The following SEPTIN9 variants were observed in gnomAD, a reference collection of about 807,000 sequenced individuals.
SEPTIN9 encodes septin 9, also known as septin-9.
A neutral mutation model predicts 56.6 loss-of-function variants in SEPTIN9; 13 were observed. The observed-to-expected ratio is 0.23, with a 90% confidence interval of 0.15 to 0.37. The LOEUF (loss-of-function observed/expected upper bound fraction) is 0.37, where lower values mean the gene tolerates loss of function less well. Among genes scored for constraint, SEPTIN9 ranks in the 10% least tolerant of loss-of-function variants. SEPTIN9 has a pLI of 1.00. For synonymous variants in SEPTIN9, 332 were observed against 334.1 expected (o/e 0.99, Z 0.07); for missense variants, 650 against 823.1 (o/e 0.79, Z 2.57).
At position 77,401,980 on chromosome 17, in the gene SEPTIN9, C is replaced by T. The variant is rs1043898155; in HGVS notation, c.77-79C>T. The T allele has an allele frequency of 2.9e-5, 43 of 1,469,348 alleles. No individual in the cohort carries two copies. The African/African-American group carries it at 4.9e-4, about 17-fold the overall frequency. 91.0% of individuals were successfully genotyped at this position (1,469,348 alleles called of 1,614,324 possible). On this transcript the variant is annotated intron_variant, in intron 2 of 11. Coordinates refer to ENST00000427177, the MANE Select transcript of SEPTIN9 (RefSeq NM_001113491.2). ...CCGCCGCATCGCCTGCCTTCCTCTG[C>T]TGCTCCTTAGCAGGAAACATGCCGG...
intron 3 of SEPTIN9, among the ~76,000 whole-genome samples, chr17:77,419,092 CT>C (rs2036604338): frequency 6.6e-6 from 1 of 152,232 alleles, no homozygotes; most frequent in Non-Finnish European, 1.5e-5. Context: ...GTTCCTGAAA[CT>C]TTCCTGCCTC....
chr17:77,373,348 T>C, intron 2 of SEPTIN9: 1 of 1,183,764 alleles, frequency 8.4e-7, no homozygotes, highest in Non-Finnish European at 1.0e-6. Flanking sequence ...TTCATTCAGC[T>C]GAGCCAGGGG....
chr17:77,381,951 G>A (rs1426088798), intron 2 of SEPTIN9, among the ~76,000 whole-genome samples: 3 of 152,210 alleles, frequency 2.0e-5, no homozygotes, highest in African/African-American at 7.2e-5. Flanking sequence ...CCTAACCAGA[G>A]ACCGGGGTAG....
Position 77,425,147 on chromosome 17 carries a change from C to A in SEPTIN9, c.721+22444C>A, listed in dbSNP as rs1330044189. 6.6e-6 allele frequency among the ~76,000 whole-genome samples: 1 copy of A among 152,224 alleles called. No homozygotes were observed. The highest frequency in any genetic ancestry group is 6.5e-5 in the Admixed American group (1 of 15,286). On this transcript the variant is annotated intron_variant, in intron 3 of 11. Coordinates refer to ENST00000427177, the MANE Select transcript of SEPTIN9 (RefSeq NM_001113491.2). The surrounding 1 kb of genome is among the most constrained non-coding windows in gnomAD (Gnocchi z 4.2). ...CTGGCGCCCTGCCCTCCCCCAGAGC[C>A]CCACTGACCTGCACCATGTGACCCG...
At position 77,319,405 on chromosome 17, in the gene SEPTIN9, G is replaced by C. The variant is rs142598684; in HGVS notation, c.76+12208G>C. 1.9e-3 allele frequency: 651 copies of C among 350,798 alleles called. 6 individuals are homozygous for C. The highest frequency in any genetic ancestry group is 0.013 in the African/African-American group (591 of 45,672). The allele number at this position is 350,798 out of a possible 1,614,324, so 21.7% of individuals were successfully genotyped here. A position where few individuals can be genotyped will look rare whatever the true frequency, so the allele number is the denominator to read the frequency against. On this transcript the variant is annotated intron_variant, in intron 2 of 11. Coordinates refer to ENST00000427177, the MANE Select transcript of SEPTIN9 (RefSeq NM_001113491.2). The surrounding 1 kb of genome is among the most constrained non-coding windows in gnomAD (Gnocchi z 5.3). ...CCCGAGTTCCCGGAGAGGAAGACTCGCTCCCTCCCAGGGGACGGCTAGAGA... is the reference window on the plus strand; with the variant it reads ...CCCGAGTTCCCGGAGAGGAAGACTCCCTCCCTCCCAGGGGACGGCTAGAGA...
intron 5 of SEPTIN9, 54 bp from the exon 6 acceptor site, chr17:77,488,186 G>A (rs370428874): frequency 1.7e-4 from 260 of 1,553,540 alleles, no homozygotes; most frequent in Admixed American, 7.5e-4. Context: ...GGTGTGGGGT[G>A]TCTGTGAGGG....
At position 77,319,404 on chromosome 17, in the gene SEPTIN9, C is replaced by T. The variant is rs2032820038; in HGVS notation, c.76+12207C>T. ...CCCCGAGTTCCCGGAGAGGAAGACT[C>T]GCTCCCTCCCAGGGGACGGCTAGAG... On this transcript the variant is annotated intron_variant, in intron 2 of 11. Transcript: ENST00000427177. This position sits in a 1 kb window ranked among gnomAD's most constrained non-coding sequence, Gnocchi z 5.3. The T allele has an allele frequency of 8.7e-6, 3 of 345,974 alleles. No homozygotes were observed. Among genetic ancestry groups the T allele is most frequent in the African/African-American group, 2.2e-5 (1 of 45,462 alleles). The allele number at this position is 345,974 out of a possible 1,614,324, so 21.4% of individuals were successfully genotyped here.
At chr17:77,303,010 T>C (rs56121952) in intron 1 of SEPTIN9, among the ~76,000 whole-genome samples, 9,973 of 152,112 alleles carry the variant, frequency 0.066, 477 homozygotes, top group African/African-American at 0.12. Flanking sequence ...ACTGCATTTC[T>C]TTCTGCTTGG....
intron 2 of SEPTIN9, among the ~76,000 whole-genome samples, chr17:77,340,625 A>G (rs1326395396): frequency 6.6e-6 from 1 of 152,220 alleles, no homozygotes; most frequent in Non-Finnish European, 1.5e-5. Context: ...TTAGCCTCTC[A>G]TGAGAGTCAG....
intron 3 of SEPTIN9, among the ~76,000 whole-genome samples, chr17:77,465,507 G>A (rs890214591): frequency 1.3e-5 from 2 of 152,196 alleles, no homozygotes; most frequent in South Asian, 2.1e-4. Context: ...AGGTTGTCTC[G>A]CCGGCACCGG....
chr17:77,294,445 A>G (rs1371533857), intron 1 of SEPTIN9: 1 of 158,294 alleles, frequency 6.3e-6, no homozygotes, highest in Non-Finnish European at 1.4e-5. Context: ...AATAAAGCGA[A>G]TGAATCTCCT....
intron 2 of SEPTIN9, among the ~76,000 whole-genome samples, chr17:77,342,643 G>A (rs1197869580): frequency 6.6e-6 from 1 of 152,150 alleles, no homozygotes. Flanking sequence ...CTATTAAAGG[G>A]ATCACAAAGG....
Position 77,451,206 on chromosome 17 carries a change from T to C in SEPTIN9, c.722-30938T>C, listed in dbSNP as rs1220921035. The C allele has an allele frequency of 5.1e-6, 1 of 194,372 alleles. No homozygotes were observed. The highest frequency in any genetic ancestry group is 1.9e-4 in the East Asian group (1 of 5,356). The allele number at this position is 194,372 out of a possible 1,614,324, so 12.0% of individuals were successfully genotyped here. On this transcript the variant is annotated intron_variant, in intron 3 of 11. Transcript: ENST00000427177. The surrounding 1 kb of genome is among the most constrained non-coding windows in gnomAD (Gnocchi z 4.2). ...TCACTCTTCCCAGGGACCCTGTCAC[T>C]TTCCTTTAGCGTGTGGCAGCTCCTT...
In SEPTIN9 at chr17:77,451,308, C is replaced by T; in HGVS notation, c.722-30836C>T. Reference sequence around the variant, plus strand: ...CGCCCCTATCTCTGCCTGCCCCCTCCTCCTGCTCCCCTCGCCCTGCCCCCT... The same window carrying T: ...CGCCCCTATCTCTGCCTGCCCCCTCTTCCTGCTCCCCTCGCCCTGCCCCCT... On this transcript the variant is annotated intron_variant, in intron 3 of 11. Coordinates refer to ENST00000427177, the MANE Select transcript of SEPTIN9 (RefSeq NM_001113491.2). This position sits in a 1 kb window ranked among gnomAD's most constrained non-coding sequence, Gnocchi z 4.2. 1.9e-5 allele frequency: 18 copies of T among 954,532 alleles called. No homozygotes were observed. The highest frequency in any genetic ancestry group is 2.1e-5 in the Non-Finnish European group (17 of 801,450). The allele number at this position is 954,532 out of a possible 1,614,324, so 59.1% of individuals were successfully genotyped here.
intron 3 of SEPTIN9, among the ~76,000 whole-genome samples, chr17:77,409,541 C>T (rs1420820280): frequency 1.3e-5 from 2 of 152,188 alleles, no homozygotes; most frequent in East Asian, 1.9e-4. Flanking sequence ...GCGCTGGGGG[C>T]GGTTTCTCTG....
rs763634757 is a variant in SEPTIN9, at chr17:77,493,011, A to C, written c.1508A>C (p.Asp503Ala). The C allele has an allele frequency of 6.4e-7, 1 of 1,569,384 alleles. No individual in the cohort carries two copies. The highest frequency in any genetic ancestry group is 8.6e-7 in the Non-Finnish European group (1 of 1,157,508). ...EMIPFAVVGS[D>A]HEYQVNGKRI... ...ATCCCATTTGCTGTGGTGGGCAGTG[A>C]CCACGAGTACCAGGTCAACGGCAAG... The change falls in exon 10 of 12, where the codon GAC (aspartate) becomes GCC (alanine). Residue 503 changes from aspartate (D) to alanine (A), a missense_variant. This residue lies in a region of SEPTIN9 where 333 missense variants were observed against 494.0 expected (regional missense o/e 0.67). Transcript: ENST00000427177.
In SEPTIN9 at chr17:77,482,229, C is replaced by T. The variant is rs773478392; in HGVS notation, c.807C>T (p.Asn269=). 6.2e-7 allele frequency: 1 copy of T among 1,612,898 alleles called. No individual in the cohort carries two copies. The highest frequency in any genetic ancestry group is 8.5e-7 in the Non-Finnish European group (1 of 1,179,822). The part of the protein sequence containing the change: ...AGLKQAPASR[N]EKAPVDFGYV... The stretch of plus-strand genomic sequence containing the variant: ...TCAAGCAGGCGCCTGCATCACGGAA[C>T]GAGAAGGCCCCGGTGGACTTCGGCT... Residue 269 remains asparagine, a synonymous_variant, in exon 4 of 12, where the codon AAC becomes AAT. Transcript: ENST00000427177.
At chr17:77,345,384 A>G (rs907899481) in intron 2 of SEPTIN9, among the ~76,000 whole-genome samples, 3 of 152,242 alleles carry the variant, frequency 2.0e-5, no homozygotes, top group Non-Finnish European at 4.4e-5. Context: ...TTGATGGAAA[A>G]GAAACCAAGA....
intron 3 of SEPTIN9, among the ~76,000 whole-genome samples, chr17:77,411,072 A>G (rs1190616052): frequency 6.6e-6 from 1 of 151,242 alleles, no homozygotes; most frequent in East Asian, 1.9e-4. Context: ...GCAACAGAAC[A>G]AGACTCCCAT....
Sources: allele counts gnomAD v4.1 joint callset (sites outside exome capture counted in the v4.1 genomes callset), GRCh38; gene constraint gnomAD v4.1.1; regional missense constraint gnomAD v4.1.1; non-coding constraint Gnocchi (gnomAD v3.1); transcripts MANE v1.5; gene names NCBI Gene and HGNC (gene_info 2026-07-23, HGNC 2026-07-21).